The following F13A1 variants were observed in gnomAD, a reference collection of about 807,000 sequenced individuals.
The protein encoded by F13A1 is coagulation factor XIII A chain.
Under a neutral mutation model 80.1 loss-of-function variants are expected in F13A1, and 47 were observed. That is an observed-to-expected ratio of 0.59 (90% confidence interval 0.46 to 0.75). F13A1 has a LOEUF of 0.75. Ranked by LOEUF, F13A1 falls within the 30% of genes least tolerant of loss-of-function variation. F13A1 has a pLI of 0.00. For synonymous variants in F13A1, 349 were observed against 344.9 expected, an observed-to-expected ratio of 1.01 and a Z score of -0.13; for missense variants, 817 against 930.4, an observed-to-expected ratio of 0.88 and a Z score of 1.59.
chr6:6,174,643 T>C lies in F13A1; in HGVS notation c.1684A>G (p.Thr562Ala). 6.2e-7 allele frequency: 1 copy of C among 1,614,174 alleles called. No homozygotes were observed. The highest frequency in any genetic ancestry group is 8.5e-7 in the Non-Finnish European group (1 of 1,180,034). Residue 562 changes from threonine (T) to alanine (A), a missense_variant, in exon 12 of 15, where the codon ACC becomes GCC. Coordinates refer to ENST00000264870, the MANE Select transcript of F13A1 (RefSeq NM_000129.4). ...TTGAATTCTGCCTTCGGGACCCCGG[T>C]GTAGAAGGTGATGTTGGCTGAGAGA... The part of the protein sequence containing the change: ...AYLSANITFY[T>A]GVPKAEFKKE...
intron 3 of F13A1, among the ~76,000 whole-genome samples, chr6:6,297,604 C>T (rs1463724171): frequency 1.3e-5 from 2 of 149,302 alleles, no homozygotes; most frequent in African/African-American, 5.1e-5. Context: ...TCCCCTTTAT[C>T]ATTTTTTATT....
At chr6:6,235,698 G>C (rs1304238457) in intron 6 of F13A1, among the ~76,000 whole-genome samples, 1 of 151,996 alleles carries the variant, frequency 6.6e-6, no homozygotes, top group Non-Finnish European at 1.5e-5. Context: ...AATGTAAAAT[G>C]CCCATCCAAT....
intron 10 of F13A1, among the ~76,000 whole-genome samples, chr6:6,189,908 A>G (rs1022853541): frequency 1.3e-5 from 2 of 152,092 alleles, no homozygotes; most frequent in Non-Finnish European, 1.5e-5. Flanking sequence ...TATTTCTTGG[A>G]GGCTTTTCTG....
intron 4 of F13A1, among the ~76,000 whole-genome samples, chr6:6,264,745 A>G (rs1056873584): frequency 6.6e-6 from 1 of 152,234 alleles, no homozygotes; most frequent in Non-Finnish European, 1.5e-5. Flanking sequence ...CTCTGTAAAT[A>G]TCACCCCATC....
intron 11 of F13A1, among the ~76,000 whole-genome samples, chr6:6,178,045 G>T: frequency 6.2e-4 from 1 of 1,614 alleles, no homozygotes; most frequent in South Asian, 0.016. Context: ...CACAGGGAGA[G>T]GGGGGGGGGG....
chr6:6,161,080 G>C (rs9379013), intron 13 of F13A1, among the ~76,000 whole-genome samples: 24,098 of 152,114 alleles, frequency 0.16, 2,054 homozygotes, highest in East Asian at 0.25. Context: ...TAGAATGGCA[G>C]GTACTGAGTA....
intron 6 of F13A1, among the ~76,000 whole-genome samples, chr6:6,229,231 G>A (rs542222619): frequency 9.9e-5 from 15 of 152,270 alleles, no homozygotes; most frequent in Non-Finnish European, 1.6e-4. Flanking sequence ...GAAAGAGAGA[G>A]AGGGAGAGAT....
chr6:6,297,294 A>T (rs1026996013), intron 3 of F13A1, among the ~76,000 whole-genome samples: 1 of 151,956 alleles, frequency 6.6e-6, no homozygotes, highest in South Asian at 2.1e-4. Flanking sequence ...CTCTTTTTCT[A>T]TTGATTGGAA....
intron 12 of F13A1, among the ~76,000 whole-genome samples, chr6:6,168,188 G>T (rs980088301): frequency 2.6e-5 from 4 of 152,168 alleles, no homozygotes; most frequent in Non-Finnish European, 5.9e-5. Context: ...TCTACCAAAG[G>T]CATTCAACTA....
At chr6:6,262,340 G>A (rs1293855203) in intron 4 of F13A1, among the ~76,000 whole-genome samples, 1 of 152,252 alleles carries the variant, frequency 6.6e-6, no homozygotes, top group Non-Finnish European at 1.5e-5. Flanking sequence ...GTTAAGGTCT[G>A]GGCATTCACA....
chr6:6,174,616 T>C lies in F13A1; in HGVS notation c.1711A>G (p.Lys571Glu). ...YTGVPKAEFKKETFDVTLEPL... is the reference protein window; with the variant it reads ...YTGVPKAEFKEETFDVTLEPL... ...TCCAGCGTCACGTCGAACGTCTCCT[T>C]CTTGAATTCTGCCTTCGGGACCCCG... is the stretch of plus-strand genomic sequence containing the variant. The change falls in exon 12 of 15, where the codon AAG becomes GAG. Residue 571 changes from lysine (K) to glutamate (E), a missense_variant. Physicochemically the swap from Lys to Glu is moderately conservative, Grantham distance 56. Transcript: ENST00000264870. 10 of 1,614,114 alleles carry C rather than the reference T, an allele frequency of 6.2e-6. No homozygotes were observed. The highest frequency in any genetic ancestry group is 2.2e-5 in the East Asian group (1 of 44,856).
chr6:6,166,473 T>A (rs1425715501), intron 13 of F13A1, among the ~76,000 whole-genome samples: 2 of 152,214 alleles, frequency 1.3e-5, no homozygotes, highest in African/African-American at 2.4e-5. Context: ...TTTAGAGCAA[T>A]GTAGTTTAGC....
intron 3 of F13A1, among the ~76,000 whole-genome samples, chr6:6,272,294 C>A (rs1757931401): frequency 6.6e-6 from 1 of 152,172 alleles, no homozygotes; most frequent in African/African-American, 2.4e-5. Context: ...GAAAGGACAT[C>A]AAATAGCACA....
At chr6:6,276,208 C>A (rs536971944) in intron 3 of F13A1, among the ~76,000 whole-genome samples, 3 of 152,330 alleles carry the variant, frequency 2.0e-5, no homozygotes, top group African/African-American at 7.2e-5. Context: ...CTCCTCTGCT[C>A]TCTGACTTCG....
chr6:6,274,998 AGT>A lies in F13A1; in HGVS notation c.320-8191_320-8190del, dbSNP rs1757968573. 5.3e-5 allele frequency among the ~76,000 whole-genome samples: 8 copies of A among 152,258 alleles called. 1 individual carries two copies. In the South Asian group the frequency reaches 1.7e-3, roughly 32 times the overall value. Reference sequence around the variant, plus strand: ...TCCAACGCTGTGCAAAGGTATGTAGAGTGTGTCCTAGGGAGGGGATGGAGATG... The same window carrying A: ...TCCAACGCTGTGCAAAGGTATGTAGAGTGTCCTAGGGAGGGGATGGAGATG... On this transcript the variant is annotated intron_variant, in intron 3 of 14. Transcript: ENST00000264870.
intron 13 of F13A1, among the ~76,000 whole-genome samples, chr6:6,164,440 C>T (rs773726178): frequency 4.0e-5 from 6 of 151,666 alleles, no homozygotes; most frequent in Non-Finnish European, 7.4e-5. Context: ...CCCTGTGACA[C>T]GTGTTTATCT....
intron 3 of F13A1, among the ~76,000 whole-genome samples, chr6:6,273,349 A>G (rs543957808): frequency 4.6e-5 from 7 of 152,338 alleles, no homozygotes; most frequent in Non-Finnish European, 8.8e-5. Context: ...AAGCCCCACT[A>G]AGATCATCAT....
chr6:6,306,294 T>G (rs990106983), intron 2 of F13A1, among the ~76,000 whole-genome samples: 5 of 152,228 alleles, frequency 3.3e-5, no homozygotes, highest in African/African-American at 4.8e-5. Context: ...TTTCTTTTGA[T>G]TTGTGGCATC....
intron 6 of F13A1, 128 bp downstream of exon 6, chr6:6,248,184 G>A: frequency 1.2e-6 from 1 of 834,914 alleles, no homozygotes. Flanking sequence ...GGTGTCAGAA[G>A]CTAGAATCTT....
Sources: gnomAD v4.1 joint callset for allele counts (sites outside exome capture counted in the v4.1 genomes callset) on GRCh38, gnomAD v4.1.1 for gene constraint, MANE v1.5 for transcripts, NCBI Gene and HGNC (gene_info 2026-07-23, HGNC 2026-07-21) for gene names.